The following NSUN6 variants were observed in gnomAD, a reference collection of about 807,000 sequenced individuals.
NSUN6 encodes the protein tRNA (cytosine(72)-C(5))-methyltransferase NSUN6.
In NSUN6, 64 loss-of-function variants were observed where a neutral mutation model predicts 58.0. That is an observed-to-expected ratio of 1.10 (90% CI 0.90 to 1.36). NSUN6 has a LOEUF of 1.36. Among genes scored for constraint, NSUN6 ranks in the 40% most tolerant of loss-of-function variants. The pLI is 0.00. For synonymous variants in NSUN6, 231 were observed against 193.9 expected, an observed-to-expected ratio of 1.19 and a Z score of -1.59; for missense variants, 701 against 550.1, an observed-to-expected ratio of 1.27 and a Z score of -2.74.
intron 8 of NSUN6, among the ~76,000 whole-genome samples, chr10:18,562,869 T>C (rs1277285177): frequency 2.1e-5 from 3 of 140,450 alleles, no homozygotes; most frequent in Non-Finnish European, 4.5e-5. Flanking sequence ...ATGAATGGAA[T>C]AGAGAATGGA....
At chr10:18,596,389 A>C in intron 6 of NSUN6, 62 bp from the exon 7 acceptor site, 2 of 1,182,096 alleles carry the variant, frequency 1.7e-6, no homozygotes, top group Non-Finnish European at 2.5e-6. Flanking sequence ...TTTGAGAACC[A>C]GAGAATATAA....
intron 3 of NSUN6, among the ~76,000 whole-genome samples, chr10:18,619,695 T>C (rs2058532828): frequency 1.3e-5 from 2 of 151,576 alleles, no homozygotes; most frequent in South Asian, 4.1e-4. Flanking sequence ...CCATACATAT[T>C]ATTGAAGCTA....
intron 8 of NSUN6, among the ~76,000 whole-genome samples, chr10:18,563,468 C>T (rs539595289): frequency 2.2e-4 from 32 of 145,988 alleles, no homozygotes; most frequent in Non-Finnish European, 1.7e-4. Flanking sequence ...AAATGGAGAA[C>T]GGTATGGAAT....
upstream of NSUN6, chr10:18,655,094 A>T: frequency 1.0e-6 from 1 of 982,676 alleles, no homozygotes; most frequent in Non-Finnish European, 1.2e-6. Context: ...TGCTTTGGGG[A>T]ACACTTCTCT....
intron 8 of NSUN6, among the ~76,000 whole-genome samples, chr10:18,576,509 A>G (rs1340437246): frequency 1.3e-5 from 2 of 152,154 alleles, no homozygotes; most frequent in African/African-American, 4.8e-5. Context: ...TAATTTCCTA[A>G]AACTAAACTA....
chr10:18,627,389 G>T (rs2131443890), intron 3 of NSUN6, among the ~76,000 whole-genome samples: 1 of 152,288 alleles, frequency 6.6e-6, no homozygotes, highest in East Asian at 1.9e-4. Context: ...AATGAAAAGG[G>T]GAGAAAAAAG....
intron 9 of NSUN6, among the ~76,000 whole-genome samples, chr10:18,549,382 C>A (rs138617038): frequency 6.6e-6 from 1 of 152,184 alleles, no homozygotes. Flanking sequence ...CCCTGCACTG[C>A]TTACTCCTTA....
At chr10:18,639,467 C>T (rs923202707) in intron 3 of NSUN6, among the ~76,000 whole-genome samples, 2 of 151,660 alleles carry the variant, frequency 1.3e-5, no homozygotes, top group African/African-American at 2.4e-5. Flanking sequence ...GCACTCCAGC[C>T]GGGGTGACAG....
chr10:18,648,929 A>G (rs967275062), intron 1 of NSUN6, among the ~76,000 whole-genome samples: 2 of 152,196 alleles, frequency 1.3e-5, no homozygotes. Flanking sequence ...AAATATTAGT[A>G]TCTGCTACAT....
At chr10:18,621,258 T>C (rs2058596431) in intron 3 of NSUN6, among the ~76,000 whole-genome samples, 1 of 152,198 alleles carries the variant, frequency 6.6e-6, no homozygotes. Context: ...GGGGACTTCC[T>C]GTGGGAGTCC....
intron 8 of NSUN6, among the ~76,000 whole-genome samples, chr10:18,568,952 T>A (rs940920044): frequency 1.3e-5 from 2 of 151,586 alleles, no homozygotes; most frequent in Non-Finnish European, 3.0e-5. Context: ...TCCATTCCAA[T>A]CCATTCTCCA....
chr10:18,584,828 C>T (rs1404198853), intron 8 of NSUN6, among the ~76,000 whole-genome samples: 1 of 151,278 alleles, frequency 6.6e-6, no homozygotes, highest in African/African-American at 2.4e-5. Context: ...AAAAGATTAG[C>T]AGTTGATTGT....
In NSUN6 at chr10:18,591,090, C is replaced by G. The variant is rs949219828; in HGVS notation, c.778-4997G>C. ...ATCCCAAAGAAATACAAACTGCCAT[C>G]AGAGAATACTATAAACCCCTCCATG... On this transcript the variant is annotated intron_variant, in intron 7 of 10. Coordinates refer to ENST00000377304, the MANE Select transcript of NSUN6 (RefSeq NM_182543.5). Among the ~76,000 whole-genome samples, 3 of 152,308 alleles carry G rather than the reference C, an allele frequency of 2.0e-5. No individual in the cohort carries two copies. The South Asian group carries it at 6.2e-4, about 32-fold the overall frequency.
At chr10:18,629,580 AC>A (rs1472409106) in intron 3 of NSUN6, among the ~76,000 whole-genome samples, 16 of 144,464 alleles carry the variant, frequency 1.1e-4, no homozygotes, top group South Asian at 7.0e-4. Flanking sequence ...CTAATGGAAA[AC>A]AAAAAAGGCA....
intron 8 of NSUN6, among the ~76,000 whole-genome samples, chr10:18,581,121 G>A (rs560990193): frequency 6.6e-6 from 1 of 152,236 alleles, no homozygotes; most frequent in African/African-American, 2.4e-5. Context: ...AGCATGGACA[G>A]TGGCCTGCTC....
intron 3 of NSUN6, among the ~76,000 whole-genome samples, chr10:18,641,369 C>CTT (rs112028728): frequency 6.3e-5 from 9 of 141,792 alleles, no homozygotes; most frequent in African/African-American, 1.3e-4. Flanking sequence ...CTTATTTTTC[C>CTT]TTTTTTTTTT....
At chr10:18,574,887 G>T (rs1778033979) in intron 8 of NSUN6, among the ~76,000 whole-genome samples, 1 of 152,126 alleles carries the variant, frequency 6.6e-6, no homozygotes, top group South Asian at 2.1e-4. Flanking sequence ...CACCAGAAAA[G>T]CCTTTCTTTT....
intron 6 of NSUN6, among the ~76,000 whole-genome samples, chr10:18,597,571 A>C (rs1403426548): frequency 6.6e-6 from 1 of 152,104 alleles, no homozygotes; most frequent in Non-Finnish European, 1.5e-5. Context: ...GGAGTTTGAG[A>C]CCAGCCTGAC....
At chr10:18,595,232 T>G (rs1274178614) in intron 7 of NSUN6, among the ~76,000 whole-genome samples, 2 of 152,162 alleles carry the variant, frequency 1.3e-5, no homozygotes. Flanking sequence ...GCCCCCAAAA[T>G]GTTTAGTTGT....
Sources: allele counts gnomAD v4.1 joint callset (sites outside exome capture counted in the v4.1 genomes callset), GRCh38; gene constraint gnomAD v4.1.1; transcripts MANE v1.5; gene names NCBI Gene and HGNC (gene_info 2026-07-23, HGNC 2026-07-21).